The following CDH23 variants were observed in gnomAD, a reference collection of about 807,000 sequenced individuals.
CDH23 encodes the protein cadherin related 23, also known as cadherin-23.
Under a neutral mutation model 317.1 loss-of-function variants are expected in CDH23, and 189 were observed. The observed-to-expected ratio is 0.60, with a 90% CI of 0.53 to 0.67. The LOEUF (loss-of-function observed/expected upper bound fraction) is 0.67. CDH23 is among the 30% of genes least tolerant of loss of function. The pLI is 0.00. For synonymous variants in CDH23, 1,839 were observed against 1,876.8 expected (o/e 0.98, Z 0.52); for missense variants, 4,401 against 4,592.4 (o/e 0.96, Z 1.20).
At chr10:71,685,416 C>G (rs546732403) in intron 18 of CDH23, among the ~76,000 whole-genome samples, 58 of 152,342 alleles carry the variant, frequency 3.8e-4, no homozygotes, top group African/African-American at 1.3e-3. Flanking sequence ...CCTCAGCCCC[C>G]CTAAAAGGGG....
Position 71,813,044 on chromosome 10 carries a change from C to T in CDH23, c.9633+154C>T, listed in dbSNP as rs375745675. 3.9e-5 allele frequency among the ~76,000 whole-genome samples: 6 copies of T among 152,286 alleles called. No homozygotes were observed. In the East Asian group the frequency reaches 1.2e-3, roughly 29 times the overall value. ...GCTGATGGGGGGCTACTCCAGCCTGCGGTGGCCTTAAGGGCAGGGCTCAGG... is the reference window on the plus strand; with the variant it reads ...GCTGATGGGGGGCTACTCCAGCCTGTGGTGGCCTTAAGGGCAGGGCTCAGG... On this transcript the variant is annotated intron_variant, in intron 68 of 69. Coordinates refer to ENST00000224721, the MANE Select transcript of CDH23 (RefSeq NM_022124.6).
At position 71,785,554 on chromosome 10, in the gene CDH23, G is replaced by A. The variant is rs61634446; in HGVS notation, c.5713-77G>A. On this transcript the variant is annotated intron_variant, in intron 43 of 69. Transcript: ENST00000224721. The stretch of plus-strand genomic sequence containing the variant: ...TTAGGCAATTTAGGGAGGCCAAGCA[G>A]AGCAGTTGGCATCTGTGGGCCAAAG... The A allele has an allele frequency of 3.0e-3, 2,866 of 957,260 alleles. 66 individuals are homozygous for A. In the African/African-American group the frequency reaches 0.04, roughly 13 times the overall value. The allele number at this position is 957,260 out of a possible 1,614,324, so 59.3% of individuals were successfully genotyped here. A position where few individuals can be genotyped will look rare whatever the true frequency, so the allele number is the denominator to read the frequency against.
chr10:71,783,036 A>G (rs1840998250), intron 41 of CDH23, among the ~76,000 whole-genome samples: 1 of 152,180 alleles, frequency 6.6e-6, no homozygotes, highest in African/African-American at 2.4e-5. Flanking sequence ...ATGCCCTGTG[A>G]GCTGTGTGCT....
At chr10:71,404,449 C>T (rs113950903) in intron 1 of CDH23, among the ~76,000 whole-genome samples, 1 of 152,248 alleles carries the variant, frequency 6.6e-6, no homozygotes, top group Non-Finnish European at 1.5e-5. Context: ...ATTTCCGATA[C>T]CCCCTTGCTC....
intron 11 of CDH23, among the ~76,000 whole-genome samples, chr10:71,636,637 A>C (rs1410630926): frequency 1.3e-5 from 2 of 152,246 alleles, no homozygotes; most frequent in Non-Finnish European, 2.9e-5. Flanking sequence ...GTAGTAATAC[A>C]GGGCAGCTCC....
In CDH23 at chr10:71,737,573, C is replaced by T. The variant is rs41315010; in HGVS notation, c.4210-925C>T. Among the ~76,000 whole-genome samples, 327 of 152,330 alleles carry T rather than the reference C, an allele frequency of 2.1e-3. 1 individual carries two copies. Among genetic ancestry groups the T allele is most frequent in the Middle Eastern group, 6.8e-3 (2 of 294 alleles). On this transcript the variant is annotated intron_variant, in intron 34 of 69. Transcript: ENST00000224721. The stretch of plus-strand genomic sequence containing the variant: ...GCTCCCCATGAGTCCTGTGCAGAGT[C>T]AGCAGGACCTGGGAGCCCCTGAACC...
At chr10:71,425,263 GA>G (rs1849013234) in intron 1 of CDH23, among the ~76,000 whole-genome samples, 1 of 136,502 alleles carries the variant, frequency 7.3e-6, no homozygotes, top group Non-Finnish European at 1.6e-5. Flanking sequence ...GAGAGAGAGA[GA>G]GAGAGGAAGG....
At chr10:71,696,100 G>T (rs1393589547) in intron 22 of CDH23, among the ~76,000 whole-genome samples, 1 of 152,212 alleles carries the variant, frequency 6.6e-6, no homozygotes, top group African/African-American at 2.4e-5. Context: ...GGTGCAGAGG[G>T]GAGACACGGT....
chr10:71,594,932 C>T (rs1859740619), intron 9 of CDH23, among the ~76,000 whole-genome samples: 1 of 152,100 alleles, frequency 6.6e-6, no homozygotes, highest in African/African-American at 2.4e-5. Flanking sequence ...ATTTAATTTA[C>T]CCACAGGGCA....
intron 1 of CDH23, among the ~76,000 whole-genome samples, chr10:71,416,172 G>A (rs188666414): frequency 3.3e-5 from 5 of 152,122 alleles, no homozygotes; most frequent in South Asian, 4.2e-4. Context: ...TTACAGGTGC[G>A]CACCACCATG....
chr10:71,688,825 G>A (rs1264884808), intron 19 of CDH23, among the ~76,000 whole-genome samples: 1 of 118,852 alleles, frequency 8.4e-6, no homozygotes. Flanking sequence ...GTGGAGCCAG[G>A]GGTGGTGGAG....
chr10:71,401,536 G>A (rs554378828), intron 1 of CDH23, among the ~76,000 whole-genome samples: 2 of 152,286 alleles, frequency 1.3e-5, no homozygotes, highest in African/African-American at 4.8e-5. Flanking sequence ...TCTTCATGGT[G>A]GTACTTTCCA....
intron 9 of CDH23, among the ~76,000 whole-genome samples, chr10:71,583,497 A>G (rs1466806318): frequency 6.6e-6 from 1 of 152,000 alleles, no homozygotes; most frequent in Non-Finnish European, 1.5e-5. Context: ...TCCAGCTGAG[A>G]GACAGTCACA....
chr10:71,784,240 T>C (rs1297748410), intron 41 of CDH23, 47 bp from the exon 42 acceptor site: 4 of 1,592,052 alleles, frequency 2.5e-6, no homozygotes, highest in South Asian at 2.3e-5. Context: ...GTCTCCACAG[T>C]TCCTGCCAAT....
intron 14 of CDH23, among the ~76,000 whole-genome samples, chr10:71,673,583 C>T (rs1015261729): frequency 6.6e-6 from 1 of 152,232 alleles, no homozygotes. Context: ...TGAGAACAAG[C>T]GCCCCTCTTG....
At chr10:71,498,745 A>G (rs1346457124) in intron 3 of CDH23, among the ~76,000 whole-genome samples, 1 of 152,240 alleles carries the variant, frequency 6.6e-6, no homozygotes, top group Non-Finnish European at 1.5e-5. Context: ...TAGAGCACAT[A>G]GGTGCCTATG....
At position 71,512,548 on chromosome 10, in the gene CDH23, CAG is replaced by C. The variant is rs1854053810; in HGVS notation, c.429+1339_429+1340del. ...GGGCTCAGAAACCAAGGGCACGGCT[CAG>C]AGTTAATGAGCCTTGGACCCATTGC... On this transcript the variant is annotated intron_variant, in intron 6 of 69. Coordinates refer to ENST00000224721, the MANE Select transcript of CDH23 (RefSeq NM_022124.6). Among the ~76,000 whole-genome samples the C allele has an allele frequency of 2.6e-5, 4 of 152,230 alleles. No individual in the cohort carries two copies. In the South Asian group the frequency reaches 8.3e-4, roughly 31 times the overall value.
chr10:71,427,251 G>C (rs1295615608), intron 1 of CDH23, among the ~76,000 whole-genome samples: 1 of 136,756 alleles, frequency 7.3e-6, no homozygotes, highest in African/African-American at 2.8e-5. Flanking sequence ...GAAAGGGAAA[G>C]AAAGAAAGAG....
At chr10:71,625,549 C>T (rs529467195) in intron 11 of CDH23, among the ~76,000 whole-genome samples, 5 of 151,912 alleles carry the variant, frequency 3.3e-5, no homozygotes, top group Admixed American at 6.6e-5. Flanking sequence ...TATTTTTATC[C>T]GTCACCCTCA....
Sources: gnomAD v4.1 joint callset for allele counts (sites outside exome capture counted in the v4.1 genomes callset) on GRCh38, gnomAD v4.1.1 for gene constraint, MANE v1.5 for transcripts, NCBI Gene and HGNC (gene_info 2026-07-23, HGNC 2026-07-21) for gene names.